Variants in MIPOL1 observed in about 807,000 individuals in gnomAD.
The protein encoded by MIPOL1 is mirror-image polydactyly 1, also known as mirror-image polydactyly gene 1 protein.
MIPOL1 carries 57 observed loss-of-function variants against 60.9 expected under a neutral mutation model. The observed-to-expected ratio is 0.94, with a 90% confidence interval of 0.76 to 1.17. The LOEUF is 1.17. Ranked by LOEUF, MIPOL1 falls within the 50% of genes most tolerant of loss-of-function variation. The pLI, the probability that MIPOL1 is intolerant of heterozygous loss-of-function variation, is 0.00. For synonymous variants in MIPOL1, 179 were observed against 168.8 expected (o/e 1.06, Z -0.47); for missense variants, 551 against 511.6 (o/e 1.08, Z -0.74).
intron 11 of MIPOL1, among the ~76,000 whole-genome samples, chr14:37,436,466 A>G: frequency 6.6e-6 from 1 of 152,216 alleles, no homozygotes; most frequent in East Asian, 1.9e-4. Flanking sequence ...AAACTAGTTA[A>G]AAATATTTGG....
chr14:37,381,198 C>T (rs910288199), intron 10 of MIPOL1, among the ~76,000 whole-genome samples: 3 of 152,030 alleles, frequency 2.0e-5, no homozygotes, highest in African/African-American at 7.2e-5. Flanking sequence ...CTATCTCTGC[C>T]CACATCAATA....
rs146126686 is a variant in MIPOL1, at chr14:37,226,292, G to A, written c.-198-20811G>A. On this transcript the variant is annotated intron_variant, in intron 1 of 12. Transcript: ENST00000684589. ...TGCTGTATTAGTCTGCTTTCATGCT[G>A]CTGATAAAGGCACACCCAAGACTGG... 1.8e-3 allele frequency among the ~76,000 whole-genome samples: 268 copies of A among 152,284 alleles called. 1 individual carries two copies. Among genetic ancestry groups the A allele is most frequent in the African/African-American group, 6.0e-3 (251 of 41,548 alleles).
chr14:37,351,923 T>G (rs1480668959), intron 9 of MIPOL1, among the ~76,000 whole-genome samples: 1 of 151,428 alleles, frequency 6.6e-6, no homozygotes, highest in African/African-American at 2.4e-5. Flanking sequence ...ATCCCATTTG[T>G]CAATTTTGTC....
chr14:37,339,298 A>T (rs1329190940), intron 9 of MIPOL1, among the ~76,000 whole-genome samples: 31 of 152,228 alleles, frequency 2.0e-4, no homozygotes, highest in Non-Finnish European at 4.0e-4. Context: ...AAAAAGACAG[A>T]CAACAGCAAA....
chr14:37,267,488 GA>G (rs59427990), intron 4 of MIPOL1, among the ~76,000 whole-genome samples: 33 of 144,674 alleles, frequency 2.3e-4, no homozygotes, highest in South Asian at 4.3e-4. Context: ...ATTGTCTGAA[GA>G]AAAAAAAAAA....
At chr14:37,386,872 G>A (rs546822747) in intron 10 of MIPOL1, among the ~76,000 whole-genome samples, 1 of 151,866 alleles carries the variant, frequency 6.6e-6, no homozygotes, top group East Asian at 1.9e-4. Flanking sequence ...CTCCATAATG[G>A]CTACACATAT....
intron 1 of MIPOL1, among the ~76,000 whole-genome samples, chr14:37,211,913 T>G (rs1332661902): frequency 6.6e-6 from 1 of 151,950 alleles, no homozygotes; most frequent in Non-Finnish European, 1.5e-5. Flanking sequence ...GTCAGAGTTG[T>G]GAGCCCCACT....
rs546273097 is a variant in MIPOL1, at chr14:37,313,046, T to C, written c.828+4527T>C. The stretch of plus-strand genomic sequence containing the variant: ...AAATTGTTCACCAAATTAAGGAATC[T>C]GATCTGTCACTAATTTTCACTTTAG... On this transcript the variant is annotated intron_variant, in intron 9 of 12. Coordinates refer to ENST00000684589, the MANE Select transcript of MIPOL1 (RefSeq NM_001388067.1). Among the ~76,000 whole-genome samples, 3 of 152,348 alleles carry C rather than the reference T, an allele frequency of 2.0e-5. No individual in the cohort carries two copies. The East Asian group carries it at 5.8e-4, about 29-fold the overall frequency.
chr14:37,370,474 C>G (rs1184273001), intron 10 of MIPOL1, among the ~76,000 whole-genome samples: 2 of 152,220 alleles, frequency 1.3e-5, no homozygotes, highest in South Asian at 2.1e-4. Context: ...ATATTATATT[C>G]TACTTTGCTG....
intron 10 of MIPOL1, among the ~76,000 whole-genome samples, chr14:37,379,769 T>A (rs1456633757): frequency 6.6e-6 from 1 of 151,884 alleles, no homozygotes; most frequent in Non-Finnish European, 1.5e-5. Context: ...AAAATGTAAA[T>A]TTTTTTTGAG....
At chr14:37,217,830 A>T (rs1051894601) in intron 1 of MIPOL1, among the ~76,000 whole-genome samples, 1 of 152,216 alleles carries the variant, frequency 6.6e-6, no homozygotes, top group Non-Finnish European at 1.5e-5. Flanking sequence ...AATCTGGAAC[A>T]TGATAAGGAT....
intron 11 of MIPOL1, among the ~76,000 whole-genome samples, chr14:37,467,466 A>C (rs188409833): frequency 2.0e-5 from 3 of 152,294 alleles, no homozygotes; most frequent in Admixed American, 2.0e-4. Flanking sequence ...ATTCTCTATA[A>C]AGAAACCTTC....
intron 11 of MIPOL1, among the ~76,000 whole-genome samples, chr14:37,478,009 C>T (rs369731253): frequency 2.0e-5 from 3 of 152,258 alleles, no homozygotes; most frequent in East Asian, 1.9e-4. Flanking sequence ...AAAGAAGAAG[C>T]GTTTATGTTT....
chr14:37,300,027 T>C (rs1225056476), intron 7 of MIPOL1, among the ~76,000 whole-genome samples: 2 of 152,032 alleles, frequency 1.3e-5, no homozygotes, highest in Non-Finnish European at 2.9e-5. Context: ...ATGAAGACTG[T>C]AGAAGTGAGT....
At chr14:37,347,750 A>G (rs1195767611) in intron 9 of MIPOL1, among the ~76,000 whole-genome samples, 1 of 152,240 alleles carries the variant, frequency 6.6e-6, no homozygotes, top group African/African-American at 2.4e-5. Context: ...TTATGTTAAC[A>G]ACAATCAATG....
intron 3 of MIPOL1, among the ~76,000 whole-genome samples, chr14:37,253,937 G>T (rs1974505984): frequency 6.6e-6 from 1 of 151,670 alleles, no homozygotes; most frequent in Non-Finnish European, 1.5e-5. Flanking sequence ...ATTTAAGATT[G>T]CATTTAAAAA....
At chr14:37,480,082 A>G (rs999459923) in intron 11 of MIPOL1, among the ~76,000 whole-genome samples, 2 of 151,934 alleles carry the variant, frequency 1.3e-5, no homozygotes, top group Admixed American at 1.3e-4. Flanking sequence ...GGACCTGACA[A>G]CTTCACTGCT....
chr14:37,513,492 A>G (rs1004500739), intron 12 of MIPOL1, among the ~76,000 whole-genome samples: 2 of 152,188 alleles, frequency 1.3e-5, no homozygotes, highest in African/African-American at 4.8e-5. Flanking sequence ...AAGAAGAAAC[A>G]TAGTTTTAAT....
chr14:37,474,725 G>A (rs1273605519), intron 11 of MIPOL1, among the ~76,000 whole-genome samples: 1 of 152,104 alleles, frequency 6.6e-6, no homozygotes, highest in African/African-American at 2.4e-5. Flanking sequence ...CTTTCAAAGT[G>A]GTTATACTAT....
Sources: gnomAD v4.1 joint callset for allele counts (sites outside exome capture counted in the v4.1 genomes callset) on GRCh38, gnomAD v4.1.1 for gene constraint, MANE v1.5 for transcripts, NCBI Gene and HGNC (gene_info 2026-07-23, HGNC 2026-07-21) for gene names.